ZNF91: variants seen among roughly 807,000 people sequenced by gnomAD.
The protein encoded by ZNF91 is zinc finger protein 91.
A neutral mutation model predicts 12.6 loss-of-function variants in ZNF91; 7 were observed. That is an observed-to-expected ratio of 0.55 (90% confidence interval 0.31 to 1.04). The LOEUF (loss-of-function observed/expected upper bound fraction) is 1.04. ZNF91 is among the 50% of genes least tolerant of loss of function. The pLI is 0.05. For missense variants in ZNF91, 1,217 were observed against 1,385.4 expected, an observed-to-expected ratio of 0.88 and a Z score of 1.93; for synonymous variants, 453 against 462.6, an observed-to-expected ratio of 0.98 and a Z score of 0.27.
intron 1 of ZNF91, among the ~76,000 whole-genome samples, chr19:23,330,351 AAG>A (rs1338436321): frequency 6.6e-6 from 1 of 152,018 alleles, no homozygotes; most frequent in Non-Finnish European, 1.5e-5. Context: ...AAAAAAAAGA[AAG>A]AAAGTCTTCT....
chr19:23,390,905 C>T (rs1179776320), intron 1 of ZNF91, among the ~76,000 whole-genome samples: 1 of 152,180 alleles, frequency 6.6e-6, no homozygotes. Flanking sequence ...TTCAGTCTAC[C>T]ATTGATAGGC....
At chr19:23,384,814 A>C in intron 1 of ZNF91, 2 of 689,962 alleles carry the variant, frequency 2.9e-6, no homozygotes, top group Non-Finnish European at 5.4e-6. Context: ...CTCTGTGTTC[A>C]CAGAAACACC....
Position 23,358,095 on chromosome 19 carries a change from C to T in ZNF91, c.*1308G>A, listed in dbSNP as rs926129075. ...ATCTTACCAAATAGTGTATTTTTACCATCTTTTACCTACACCCTTGAGTAA... is the reference window on the plus strand; with the variant it reads ...ATCTTACCAAATAGTGTATTTTTACTATCTTTTACCTACACCCTTGAGTAA... On this transcript the variant is annotated 3_prime_UTR_variant, in exon 4 of 4. Coordinates refer to ENST00000300619, the MANE Select transcript of ZNF91 (RefSeq NM_003430.4). 2.0e-5 allele frequency: 3 copies of T among 152,026 alleles called. No individual in the cohort carries two copies. Among genetic ancestry groups the T allele is most frequent in the African/African-American group, 7.2e-5 (3 of 41,412 alleles). 9.4% of individuals were successfully genotyped at this position (152,026 alleles called of 1,614,324 possible). A position where few individuals can be genotyped will look rare whatever the true frequency, so the allele number is the denominator to read the frequency against.
chr19:23,341,571 A>G (rs1407092060), intron 3 of ZNF91, among the ~76,000 whole-genome samples: 1 of 152,240 alleles, frequency 6.6e-6, no homozygotes, highest in East Asian at 1.9e-4. Context: ...TGGTTGAAAG[A>G]GTGAAAAAAA....
rs71163502 is a variant in ZNF91, at chr19:23,392,396, C to CAA, written c.30+2927_30+2928dup. 3.8e-3 allele frequency among the ~76,000 whole-genome samples: 265 copies of CAA among 70,288 alleles called. 2 individuals are homozygous for CAA. The highest frequency in any genetic ancestry group is 5.3e-3 in the Non-Finnish European group (186 of 35,198). The allele number at this position is 70,288 out of a possible 152,430, so 46.1% of individuals were successfully genotyped here. A position where few individuals can be genotyped will look rare whatever the true frequency, so the allele number is the denominator to read the frequency against. On this transcript the variant is annotated intron_variant, in intron 1 of 3. Coordinates refer to ENST00000300619, the MANE Select transcript of ZNF91 (RefSeq NM_003430.4). ...GGGTGACAAGAGTGAAACTCCATCT[C>CAA]AAAAAAAAAAAAAAAAAGAAAAAAA...
chr19:23,306,124 GAATT>G (rs577202636), intron 3 of ZNF91, among the ~76,000 whole-genome samples: 77 of 152,340 alleles, frequency 5.1e-4, no homozygotes, highest in Middle Eastern at 3.4e-3. Flanking sequence ...GAAGGTGGAA[GAATT>G]AATAGGTACT....
intron 1 of ZNF91, among the ~76,000 whole-genome samples, chr19:23,394,432 T>G (rs142170968): frequency 1.3e-5 from 2 of 152,188 alleles, no homozygotes; most frequent in East Asian, 3.9e-4. Context: ...ACCTAGATTG[T>G]AAAAATTAAG....
In ZNF91 at chr19:23,359,639, C is replaced by G. The variant is rs1169315883; in HGVS notation, c.3340G>C (p.Ala1114Pro). 6.2e-7 allele frequency: 1 copy of G among 1,613,908 alleles called. No individual in the cohort carries two copies. The highest frequency in any genetic ancestry group is 2.2e-5 in the East Asian group (1 of 44,824). The change falls in exon 4 of 4, where the codon GCC becomes CCC. Residue 1114 changes from alanine to proline, a missense_variant. By Grantham distance (27) the Ala-to-Pro change is conservative. Coordinates refer to ENST00000300619, the MANE Select transcript of ZNF91 (RefSeq NM_003430.4). ...GTAAGAGCTGAGGACTCTTTAAAGGCTTTGCCACATTCTCCACATTTGTAG... is the reference window on the plus strand; with the variant it reads ...GTAAGAGCTGAGGACTCTTTAAAGGGTTTGCCACATTCTCCACATTTGTAG... The part of the protein sequence containing the change: ...KPYKCGECGK[A>P]FKESSALTKH...
downstream of ZNF91, among the ~76,000 whole-genome samples, chr19:23,333,847 T>C (rs902379426): frequency 8.5e-5 from 13 of 152,326 alleles, 1 homozygote; most frequent in Admixed American, 7.2e-4. Flanking sequence ...GCAATGTGGA[T>C]TAGCAGACCA....
intron 3 of ZNF91, among the ~76,000 whole-genome samples, chr19:23,366,150 A>G (rs1969004527): frequency 6.6e-6 from 1 of 152,074 alleles, no homozygotes; most frequent in Non-Finnish European, 1.5e-5. Flanking sequence ...GCGGCCGGGC[A>G]GAGGCGCCCC....
Position 23,361,078 on chromosome 19 carries a change from T to C in ZNF91, c.1901A>G (p.Glu634Gly). 1 of 1,613,754 alleles carries C rather than the reference T, an allele frequency of 6.2e-7. No homozygotes were observed. The highest frequency in any genetic ancestry group is 8.5e-7 in the Non-Finnish European group (1 of 1,179,790). Residue 634 changes from glutamate (E) to glycine (G), a missense_variant, in exon 4 of 4, where the codon GAA (glutamate) becomes GGA (glycine). Physicochemically the swap from Glu to Gly is moderately conservative, Grantham distance 98. Around this residue, in one of 2 missense-constraint regions of ZNF91, gnomAD observed 726 missense variants for 895.5 expected, o/e 0.81. Coordinates refer to ENST00000300619, the MANE Select transcript of ZNF91 (RefSeq NM_003430.4). ...AGAATGGCTAAAAGCTTTGCCACATTCTTCACATTTGTAGGGTTTCTCTCC... is the reference window on the plus strand; with the variant it reads ...AGAATGGCTAAAAGCTTTGCCACATCCTTCACATTTGTAGGGTTTCTCTCC... The part of the protein sequence containing the change: ...HTGEKPYKCE[E>G]CGKAFSHSSA...
Position 23,369,508 on chromosome 19 carries a change from A to C in ZNF91, c.253+4234T>G, listed in dbSNP as rs1243639384. Among the ~76,000 whole-genome samples the C allele has an allele frequency of 5.3e-5, 8 of 152,224 alleles. No individual in the cohort carries two copies. The South Asian group carries it at 6.2e-4, about 12-fold the overall frequency. The stretch of plus-strand genomic sequence containing the variant: ...GCCACCACCCCGTCTGGGAGGTGTA[A>C]CCAACAGCTCATTGAGAAGGGGCCA... On this transcript the variant is annotated intron_variant, in intron 3 of 3. Coordinates refer to ENST00000300619, the MANE Select transcript of ZNF91 (RefSeq NM_003430.4).
At chr19:23,356,574 G>C (rs1482019259), downstream of ZNF91, among the ~76,000 whole-genome samples, 1 of 152,026 alleles carries the variant, frequency 6.6e-6, no homozygotes, top group East Asian at 1.9e-4. Context: ...ATGGACTTTG[G>C]GTACTTGCGG....
Position 23,341,704 on chromosome 19 carries a change from T to C in ZNF91, c.254-2650A>G, listed in dbSNP as rs1439324401. Among the ~76,000 whole-genome samples the C allele has an allele frequency of 2.6e-5, 4 of 152,144 alleles. No individual in the cohort carries two copies. The East Asian group carries it at 7.7e-4, about 29-fold the overall frequency. On this transcript the variant is annotated intron_variant, in intron 3 of 3. Coordinates refer to the ZNF91 transcript ENST00000599743. ...GCTATCACTCGAAATCTGTTAGGATTGCTAATATTAAAAAAAAATAGAGAA... is the reference window on the plus strand; with the variant it reads ...GCTATCACTCGAAATCTGTTAGGATCGCTAATATTAAAAAAAAATAGAGAA...
rs1276547072 is a variant in ZNF91, at chr19:23,305,772, T to C, written n.278-641A>G. 2.6e-5 allele frequency among the ~76,000 whole-genome samples: 4 copies of C among 152,326 alleles called. No homozygotes were observed. The East Asian group carries it at 7.7e-4, about 29-fold the overall frequency. On this transcript the variant is annotated intron_variant and non_coding_transcript_variant, in intron 3 of 3. Transcript: ENST00000593292. ...ATCAAGACTGGCCCCCAGTGGTGCATGAGAATAGCTCATGCATACACTGAG... is the reference window on the plus strand; with the variant it reads ...ATCAAGACTGGCCCCCAGTGGTGCACGAGAATAGCTCATGCATACACTGAG...
intron 3 of ZNF91, among the ~76,000 whole-genome samples, chr19:23,366,230 T>C (rs1969009667): frequency 6.6e-6 from 1 of 151,386 alleles, no homozygotes; most frequent in African/African-American, 2.4e-5. Flanking sequence ...ATGGGGCGGC[T>C]GGCCGGGCGG....
downstream of ZNF91, among the ~76,000 whole-genome samples, chr19:23,336,390 AT>A (rs2145876428): frequency 1.3e-5 from 2 of 152,312 alleles, no homozygotes; most frequent in East Asian, 3.9e-4. Context: ...TCTGATTTAC[AT>A]AGGGGCCAAA....
At position 23,362,461 on chromosome 19, in the gene ZNF91, G is replaced by A. The variant is rs199916013; in HGVS notation, c.518C>T (p.Thr173Met). ...GCATTTCTTTCCAGTATGTCTTATCGTATGTCTGTTTGAATTTAAAAATTT... is the reference window on the plus strand; with the variant it reads ...GCATTTCTTTCCAGTATGTCTTATCATATGTCTGTTTGAATTTAAAAATTT... ...FYKFLNSNRH[T>M]IRHTGKKCFK... The change falls in exon 4 of 4, where the codon ACG (threonine) becomes ATG (methionine). Residue 173 changes from threonine (T) to methionine (M), a missense_variant. Coordinates refer to ENST00000300619, the MANE Select transcript of ZNF91 (RefSeq NM_003430.4). 102 of 1,608,072 alleles carry A rather than the reference G, an allele frequency of 6.3e-5. No homozygotes were observed. The East Asian group carries it at 1.5e-3, about 24-fold the overall frequency.
intron 1 of ZNF91, among the ~76,000 whole-genome samples, chr19:23,379,634 A>G (rs1313604849): frequency 6.6e-6 from 1 of 152,218 alleles, no homozygotes; most frequent in African/African-American, 2.4e-5. Flanking sequence ...GTTATATTCA[A>G]TGACAAAATA....
Sources: allele counts gnomAD v4.1 joint callset (sites outside exome capture counted in the v4.1 genomes callset), GRCh38; gene constraint gnomAD v4.1.1; regional missense constraint gnomAD v4.1.1; transcripts MANE v1.5; gene names NCBI Gene and HGNC (gene_info 2026-07-23, HGNC 2026-07-21).